SLC25A48: variants seen among roughly 807,000 people sequenced by gnomAD.
SLC25A48 encodes the protein CTC-321K16.1.
In SLC25A48, 29 loss-of-function variants were observed where a neutral mutation model predicts 32.2. That is an observed-to-expected ratio of 0.90 (90% CI 0.67 to 1.23). SLC25A48 has a LOEUF of 1.23. Among genes scored for constraint, SLC25A48 ranks in the 50% most tolerant of loss-of-function variants. The pLI is 0.00. For missense variants in SLC25A48, 399 were observed against 422.7 expected (o/e 0.94, Z 0.49); for synonymous variants, 164 against 172.3 (o/e 0.95, Z 0.38).
At chr5:135,879,357 T>C (rs940710789) in intron 6 of SLC25A48, among the ~76,000 whole-genome samples, 1 of 152,180 alleles carries the variant, frequency 6.6e-6, no homozygotes, top group Non-Finnish European at 1.5e-5. Context: ...ATCAGGTCAA[T>C]TCTATTATTA....
At chr5:135,717,034 A>G (rs1454445287) in intron 3 of SLC25A48, among the ~76,000 whole-genome samples, 6 of 152,164 alleles carry the variant, frequency 3.9e-5, no homozygotes, top group Non-Finnish European at 8.8e-5. Flanking sequence ...ACCCCCAAGC[A>G]TGATGTTTTG....
chr5:135,657,036 C>G (rs1039678994), intron 3 of SLC25A48, among the ~76,000 whole-genome samples: 2 of 152,174 alleles, frequency 1.3e-5, no homozygotes, highest in East Asian at 3.9e-4. Context: ...CCCCTCCACC[C>G]TCTGGGAGCA....
At chr5:135,883,416 G>T in intron 7 of SLC25A48, 1 of 985,460 alleles carries the variant, frequency 1.0e-6, no homozygotes. Context: ...GCTGGAGTTG[G>T]CTCTAAGTTT....
In SLC25A48 at chr5:135,723,372, T is replaced by A. The variant is rs374971291; in HGVS notation, c.-521+88416T>A. Among the ~76,000 whole-genome samples the A allele has an allele frequency of 1.1e-3, 56 of 53,014 alleles. 1 individual carries two copies. The highest frequency in any genetic ancestry group is 9.5e-4 in the Non-Finnish European group (17 of 17,870). The allele number at this position is 53,014 out of a possible 152,430, so 34.8% of individuals were successfully genotyped here. On this transcript the variant is annotated intron_variant, in intron 3 of 10. Coordinates refer to the SLC25A48 transcript ENST00000646290. Reference sequence around the variant, plus strand: ...GGGAGTCTGTCTCTCACTCTCTCTCTCTCTCTCTCACACACACACACACAC... The same window carrying A: ...GGGAGTCTGTCTCTCACTCTCTCTCACTCTCTCTCACACACACACACACAC...
At chr5:135,757,373 A>G (rs1385424184) in intron 3 of SLC25A48, among the ~76,000 whole-genome samples, 2 of 149,580 alleles carry the variant, frequency 1.3e-5, no homozygotes, top group Non-Finnish European at 3.0e-5. Context: ...TTAATAAAAT[A>G]TCATCTATAT....
intron 3 of SLC25A48, among the ~76,000 whole-genome samples, chr5:135,710,836 C>A (rs934085331): frequency 6.6e-6 from 1 of 151,986 alleles, no homozygotes; most frequent in African/African-American, 2.4e-5. Context: ...GAAGAGTGGA[C>A]AGTTTCATAA....
chr5:135,842,560 GC>G, intron 2 of SLC25A48, 101 bp downstream of exon 2: 2 of 1,247,308 alleles, frequency 1.6e-6, no homozygotes, highest in Non-Finnish European at 2.3e-6. Flanking sequence ...AGAGTCTTCT[GC>G]CCAGGGCAGA....
chr5:135,778,529 G>T (rs910707910), intron 3 of SLC25A48, among the ~76,000 whole-genome samples: 2 of 151,454 alleles, frequency 1.3e-5, no homozygotes, highest in South Asian at 2.1e-4. Context: ...GTCGCAGAGG[G>T]TGTACACCAT....
intron 4 of SLC25A48, among the ~76,000 whole-genome samples, chr5:135,815,226 G>A (rs4976465): frequency 0.73 from 111,748 of 152,048 alleles, 42,061 homozygotes; most frequent in Middle Eastern, 0.86. Context: ...AGGCATGGTT[G>A]TGGGATGAAA....
upstream of SLC25A48, among the ~76,000 whole-genome samples, chr5:135,831,115 A>G (rs531122473): frequency 2.6e-5 from 4 of 152,222 alleles, 1 homozygote; most frequent in South Asian, 8.3e-4. Flanking sequence ...TCAGTGCAAA[A>G]GCTCTGTGGG....
chr5:135,876,075 G>T (rs1332172034), intron 6 of SLC25A48: 3 of 150,260 alleles, frequency 2.0e-5, no homozygotes, highest in South Asian at 2.1e-4. Flanking sequence ...TGACAGAAGG[G>T]TGAAGCCCAG....
chr5:135,753,993 G>T (rs1029280336), intron 3 of SLC25A48, among the ~76,000 whole-genome samples: 44 of 151,704 alleles, frequency 2.9e-4, no homozygotes, highest in African/African-American at 1.0e-3. Flanking sequence ...ATATCACAGG[G>T]TGTACGCACA....
chr5:135,590,487 T>C (rs775559679), intron 1 of SLC25A48, among the ~76,000 whole-genome samples: 1 of 152,170 alleles, frequency 6.6e-6, no homozygotes, highest in South Asian at 2.1e-4. Context: ...CCCCCAAGAA[T>C]GCACCACACT....
chr5:135,581,403 C>T (rs1219616956), intron 1 of SLC25A48, among the ~76,000 whole-genome samples: 2 of 152,082 alleles, frequency 1.3e-5, no homozygotes, highest in East Asian at 3.9e-4. Flanking sequence ...TGGCACATGC[C>T]CATTTTAAGA....
At chr5:135,688,530 A>C (rs1327588710) in intron 3 of SLC25A48, among the ~76,000 whole-genome samples, 1 of 152,268 alleles carries the variant, frequency 6.6e-6, no homozygotes, top group Non-Finnish European at 1.5e-5. Context: ...ACACCATGGA[A>C]AGAAATTGCA....
chr5:135,689,125 A>G (rs1425981734), intron 3 of SLC25A48, among the ~76,000 whole-genome samples: 1 of 152,180 alleles, frequency 6.6e-6, no homozygotes, highest in Admixed American at 6.5e-5. Flanking sequence ...GCTTCTGATC[A>G]TTGGTTTGCA....
intron 3 of SLC25A48, among the ~76,000 whole-genome samples, chr5:135,696,131 T>G (rs1317065464): frequency 6.6e-6 from 1 of 152,202 alleles, no homozygotes; most frequent in Non-Finnish European, 1.5e-5. Flanking sequence ...AGAAAGTGCC[T>G]GGCTCAAGCT....
intron 3 of SLC25A48, among the ~76,000 whole-genome samples, chr5:135,667,713 A>G (rs542918922): frequency 3.3e-5 from 5 of 152,320 alleles, no homozygotes; most frequent in African/African-American, 1.2e-4. Flanking sequence ...AGCATTTAGC[A>G]CACACAGTTG....
chr5:135,696,672 C>G (rs1359726557), intron 3 of SLC25A48, among the ~76,000 whole-genome samples: 1 of 152,216 alleles, frequency 6.6e-6, no homozygotes, highest in Non-Finnish European at 1.5e-5. Flanking sequence ...GGAGACCCAA[C>G]TGGGAAACTC....
Sources: gnomAD v4.1 joint callset for allele counts (sites outside exome capture counted in the v4.1 genomes callset) on GRCh38, gnomAD v4.1.1 for gene constraint, MANE v1.5 for transcripts, NCBI Gene and HGNC (gene_info 2026-07-23, HGNC 2026-07-21) for gene names.